The following NUDT17 variants were observed in gnomAD, a reference collection of about 807,000 sequenced individuals.
NUDT17 encodes nudix hydrolase 17.
NUDT17 carries 38 observed loss-of-function variants against 38.6 expected under a neutral mutation model. The ratio of observed to expected loss-of-function variants is 0.98; its 90% confidence interval spans 0.76 to 1.29. NUDT17 has a LOEUF of 1.29. Among genes scored for constraint, NUDT17 ranks in the 50% most tolerant of loss-of-function variants. The pLI is 0.00. For synonymous variants in NUDT17, 192 were observed against 167.8 expected (o/e 1.14, Z -1.11); for missense variants, 462 against 415.2 (o/e 1.11, Z -0.98).
rs903395603 is a variant in NUDT17, at chr1:145,848,134, G to A, written c.754G>A (p.Gly252Arg). The A allele has an allele frequency of 4.3e-6, 7 of 1,613,840 alleles. No homozygotes were observed. The highest frequency in any genetic ancestry group is 5.9e-6 in the Non-Finnish European group (7 of 1,179,950). Reference sequence around the variant, plus strand: ...CAGTGCAGTGGAACTAGAGGAGGATGGAAGAGCCCGACCTCTGGTCCTGCA... The same window carrying A: ...CAGTGCAGTGGAACTAGAGGAGGATAGAAGAGCCCGACCTCTGGTCCTGCA... ...SVLAVELEEDGRARPLVLHMS... is the reference protein window; with the variant it reads ...SVLAVELEEDRRARPLVLHMS... The change falls in exon 7 of 8, where the codon GGA (glycine) becomes AGA (arginine). Residue 252 changes from glycine (G) to arginine (R), a missense_variant. Transcript: ENST00000334513.
chr1:145,845,933 G>A lies in NUDT17; in HGVS notation c.193-80G>A, dbSNP rs782178134. On this transcript the variant is annotated intron_variant, in intron 1 of 7. Transcript: ENST00000334513. ...GCGAGGACCCCGCCCCCAACGCGCG[G>A]TGTAGCCCCATTTTTGGAAGTCACG... 28 of 1,533,446 alleles carry A rather than the reference G, an allele frequency of 1.8e-5. No individual in the cohort carries two copies. In the Middle Eastern group the frequency reaches 1.2e-3, roughly 65 times the overall value. The allele number at this position is 1,533,446 out of a possible 1,614,324, so 95.0% of individuals were successfully genotyped here. A position where few individuals can be genotyped will look rare whatever the true frequency, so the allele number is the denominator to read the frequency against.
rs782636873 is a variant in NUDT17 at position 145,847,166 on chromosome 1, C to A, written c.496-84C>A. 8.2e-5 allele frequency: 64 copies of A among 779,060 alleles called. 1 individual carries two copies. In the Middle Eastern group the frequency reaches 9.9e-4, roughly 12 times the overall value. The allele number at this position is 779,060 out of a possible 1,614,324, so 48.3% of individuals were successfully genotyped here. A position where few individuals can be genotyped will look rare whatever the true frequency, so the allele number is the denominator to read the frequency against. ...CCAAGATCACGCCATTGCATGCCAG[C>A]CTGGGCGACAAGAGCGAAACTCCAT... On this transcript the variant is annotated intron_variant, in intron 4 of 7. Coordinates refer to ENST00000334513, the MANE Select transcript of NUDT17 (RefSeq NM_001012758.3).
intron 6 of NUDT17, 93 bp downstream of exon 6, chr1:145,847,812 G>A (rs190160436): frequency 1.5e-6 from 2 of 1,360,298 alleles, no homozygotes; most frequent in East Asian, 4.6e-5. Flanking sequence ...GGAATTTTGT[G>A]TTGTGGGGGA....
At chr1:145,847,819 G>A in intron 6 of NUDT17, 100 bp downstream of exon 6, 1 of 1,320,728 alleles carries the variant, frequency 7.6e-7, no homozygotes, top group East Asian at 2.3e-5. Flanking sequence ...TGTGTTGTGG[G>A]GGAGATTTAA....
Position 145,846,038 on chromosome 1 carries a change from C to T in NUDT17, c.218C>T (p.Ala73Val). ...CGACCCCCTTTCTGCCCTTTTGCGG[C>T]CCTGGAGGAGCGGCCCAGGGTCCCT... Reference protein sequence around the residue: ...LQRPPFCPFAALEERPRVPGA... With the variant: ...LQRPPFCPFAVLEERPRVPGA... The change falls in exon 2 of 8, where the codon GCC (alanine) becomes GTC (valine). Residue 73 changes from alanine (A) to valine (V), a missense_variant. Transcript: ENST00000334513. 2 of 1,604,408 alleles carry T rather than the reference C, an allele frequency of 1.2e-6. No homozygotes were observed. Among genetic ancestry groups the T allele is most frequent in the Non-Finnish European group, 1.7e-6 (2 of 1,176,266 alleles).
chr1:145,846,352 GGGAGA>G, intron 2 of NUDT17, 76 bp from the exon 3 acceptor site: 1 of 1,543,070 alleles, frequency 6.5e-7, no homozygotes, highest in Non-Finnish European at 9.0e-7. Flanking sequence ...TCCACTGGAG[GGGAGA>G]GGAGTGTCAA....
intron 4 of NUDT17, among the ~76,000 whole-genome samples, chr1:145,846,982 A>G (rs1189638139): frequency 6.6e-6 from 1 of 152,226 alleles, no homozygotes; most frequent in East Asian, 1.9e-4. Flanking sequence ...ACCTGAGGTC[A>G]GAAGTTTGAG....
intron 1 of NUDT17, 76 bp from the exon 2 acceptor site, chr1:145,845,937 A>G (rs1553732240): frequency 3.9e-6 from 6 of 1,535,106 alleles, no homozygotes; most frequent in Non-Finnish European, 4.4e-6. Context: ...CGCGCGGTGT[A>G]GCCCCATTTT....
At position 145,846,653 on chromosome 1, in the gene NUDT17, A is replaced by C; in HGVS notation, c.458A>C (p.Gln153Pro). ...LWEESGLHLP[Q>P]GQFSWVPLGL... ...GAGGAGAGTGGACTACACCTGCCCC[A>C]GGGCCAGTTCTCTTGGGTCCCTCTG... is the stretch of plus-strand genomic sequence containing the variant. Residue 153 changes from glutamine (Q) to proline (P), a missense_variant, in exon 4 of 8, where the codon CAG becomes CCG. By Grantham distance (76) the Gln-to-Pro change is moderately conservative. Coordinates refer to ENST00000334513, the MANE Select transcript of NUDT17 (RefSeq NM_001012758.3). The C allele has an allele frequency of 6.2e-7, 1 of 1,614,114 alleles. No individual in the cohort carries two copies. Among genetic ancestry groups the C allele is most frequent in the African/African-American group, 1.3e-5 (1 of 75,064 alleles).
intron 5 of NUDT17, 109 bp downstream of exon 5, chr1:145,847,457 G>A (rs1341920299): frequency 1.2e-5 from 17 of 1,449,640 alleles, no homozygotes; most frequent in African/African-American, 7.0e-5. Flanking sequence ...CAGAGATAAC[G>A]AAGAATATGC....
chr1:145,846,783 C>G, intron 4 of NUDT17, 93 bp downstream of exon 4: 1 of 882,184 alleles, frequency 1.1e-6, no homozygotes, highest in Non-Finnish European at 1.9e-6. Context: ...GGGCTGGAAT[C>G]CCCAAATCCA....
At position 145,846,624 on chromosome 1, in the gene NUDT17, T is replaced by C. The variant is rs1009826216; in HGVS notation, c.429T>C (p.Leu143=). 3 of 1,614,134 alleles carry C rather than the reference T, an allele frequency of 1.9e-6. No homozygotes were observed. In the South Asian group the frequency reaches 3.3e-5, roughly 18 times the overall value. ...TGCTGGACGGAGGGCTTCGAGAACT[T>C]TGGGAGGAGAGTGGACTACACCTGC... is the stretch of plus-strand genomic sequence containing the variant. The part of the protein sequence containing the change: ...EELLDGGLRE[L]WEESGLHLPQ... Residue 143 remains leucine, a synonymous_variant, in exon 4 of 8, where the codon CTT becomes CTC. Transcript: ENST00000334513.
chr1:145,848,766 G>C lies in NUDT17; in HGVS notation c.*287G>C. Reference sequence around the variant, plus strand: ...GAACTTAGATATATAAATAGAGAGAGACCCAAGCAATAGGCCGGGCCTGAC... The same window carrying C: ...GAACTTAGATATATAAATAGAGAGACACCCAAGCAATAGGCCGGGCCTGAC... On this transcript the variant is annotated 3_prime_UTR_variant, in exon 8 of 8. Transcript: ENST00000334513. 1.3e-5 allele frequency: 4 copies of C among 302,518 alleles called. No homozygotes were observed. The highest frequency in any genetic ancestry group is 2.2e-5 in the African/African-American group (1 of 46,136). The allele number at this position is 302,518 out of a possible 1,614,324, so 18.7% of individuals were successfully genotyped here. A position where few individuals can be genotyped will look rare whatever the true frequency, so the allele number is the denominator to read the frequency against.
rs141843567 is a variant in NUDT17 at position 145,848,472 on chromosome 1, G to A, written c.980G>A (p.Gly327Glu). 9.6e-5 allele frequency: 154 copies of A among 1,611,602 alleles called. No individual in the cohort carries two copies. Among genetic ancestry groups the A allele is most frequent in the Non-Finnish European group, 1.9e-5 (22 of 1,178,160 alleles). ...MDPLPPNQGSGK is the reference protein window; with the variant it reads ...MDPLPPNQGSEK ...CCTCTTCCCCCAAACCAGGGGTCTG[G>A]AAAGTGAAGTGTAAAATCCCCTCCC... The change falls in exon 8 of 8, where the codon GGA (glycine) becomes GAA (glutamate). Residue 327 changes from glycine to glutamate, a missense_variant. By Grantham distance (98) the Gly-to-Glu change is moderately conservative. Coordinates refer to ENST00000334513, the MANE Select transcript of NUDT17 (RefSeq NM_001012758.3).
Position 145,847,825 on chromosome 1 carries a change from T to C in NUDT17, c.731+106T>C. 2 of 1,205,300 alleles carry C rather than the reference T, an allele frequency of 1.7e-6. 1 individual carries two copies. Among genetic ancestry groups the C allele is most frequent in the South Asian group, 2.7e-5 (2 of 74,650 alleles). The allele number at this position is 1,205,300 out of a possible 1,614,324, so 74.7% of individuals were successfully genotyped here. On this transcript the variant is annotated intron_variant, in intron 6 of 7. Transcript: ENST00000334513. ...ATGGAATTTTGTGTTGTGGGGGAGA[T>C]TTAAGGAGAGTGGGTCAGCTGATAA...
At chr1:145,847,955 A>G (rs1408025792) in intron 6 of NUDT17, among the ~76,000 whole-genome samples, 157 bp from the exon 7 acceptor site, 4 of 152,158 alleles carry the variant, frequency 2.6e-5, no homozygotes, top group Non-Finnish European at 5.9e-5. Flanking sequence ...ACACAGGGGC[A>G]AGTCATTTAA....
Position 145,847,347 on chromosome 1 carries a change from A to T in NUDT17, c.593A>T (p.Gln198Leu). The T allele has an allele frequency of 6.9e-7, 1 of 1,449,514 alleles. No homozygotes were observed. Among genetic ancestry groups the T allele is most frequent in the African/African-American group, 1.4e-5 (1 of 69,098 alleles). 89.8% of individuals were successfully genotyped at this position (1,449,514 alleles called of 1,614,324 possible). Residue 198 changes from glutamine to leucine, a missense_variant and splice_region_variant, in exon 5 of 8, where the codon CAG becomes CTG. By Grantham distance (113) the Gln-to-Leu change is moderately radical (BLOSUM62 -2). Transcript: ENST00000334513. Reference protein sequence around the residue: ...VISQESQQQLQARIQPNPNEV... With the variant: ...VISQESQQQLLARIQPNPNEV... ...TCCCAGGAATCACAGCAGCAGTTGC[A>T]GGTAGGGCTGGCAGTGAGGGAAGGA...
chr1:145,846,393 G>A (rs1652678807), intron 2 of NUDT17, 40 bp from the exon 3 acceptor site: 4 of 1,613,608 alleles, frequency 2.5e-6, no homozygotes, highest in Non-Finnish European at 3.4e-6. Context: ...CCCTGGCCAA[G>A]ACCACCACCA....
chr1:145,846,062 C>CAAA lies in NUDT17; in HGVS notation c.242_243insAAA (p.Pro81_Gly82insAsn), dbSNP rs1553732328. 1 of 1,605,522 alleles carries CAAA rather than the reference C, an allele frequency of 6.2e-7. No individual in the cohort carries two copies. The highest frequency in any genetic ancestry group is 8.5e-7 in the Non-Finnish European group (1 of 1,176,766). ...GCCCTGGAGGAGCGGCCCAGGGTCC[C>CAAA]TGGGGCTGAGCTGCCCACAGATCGA... On this transcript the variant is annotated inframe_insertion, in exon 2 of 8. Transcript: ENST00000334513.
Sources: gnomAD v4.1 joint callset for allele counts (sites outside exome capture counted in the v4.1 genomes callset) on GRCh38, gnomAD v4.1.1 for gene constraint, MANE v1.5 for transcripts, NCBI Gene and HGNC (gene_info 2026-07-23, HGNC 2026-07-21) for gene names.